The following ATP2B2 variants were observed in gnomAD, a reference collection of about 807,000 sequenced individuals.
ATP2B2 encodes plasma membrane calcium-transporting ATPase 2.
Under a neutral mutation model 120.0 loss-of-function variants are expected in ATP2B2, and 15 were observed. The observed-to-expected ratio is 0.12, with a 90% CI of 0.08 to 0.19. ATP2B2 has a LOEUF of 0.19. Ranked by LOEUF, ATP2B2 falls within the 10% of genes least tolerant of loss-of-function variation. The pLI is 1.00. For missense variants in ATP2B2, 1,045 were observed against 1,719.8 expected (o/e 0.61, Z 6.94); for synonymous variants, 694 against 700.3 (o/e 0.99, Z 0.14).
chr3:10,458,748 T>C (rs897316648), intron 1 of ATP2B2, among the ~76,000 whole-genome samples: 8 of 152,252 alleles, frequency 5.3e-5, no homozygotes, highest in Non-Finnish European at 8.8e-5. Context: ...GTGGTGTTGC[T>C]GTCCCCACTT....
chr3:10,695,350 T>A (rs1427729431), intron 1 of ATP2B2, among the ~76,000 whole-genome samples: 1 of 151,558 alleles, frequency 6.6e-6, no homozygotes, highest in Non-Finnish European at 1.5e-5. Context: ...TTCACTATCA[T>A]GAGAACAGCA....
intron 1 of ATP2B2, among the ~76,000 whole-genome samples, chr3:10,647,120 G>A (rs2070342384): frequency 6.6e-6 from 1 of 152,198 alleles, no homozygotes; most frequent in South Asian, 2.1e-4. Flanking sequence ...GCAGTACAAC[G>A]ATTTGGGAAA....
intron 2 of ATP2B2, among the ~76,000 whole-genome samples, chr3:10,559,009 T>C (rs1279920939): frequency 6.6e-6 from 1 of 152,204 alleles, no homozygotes; most frequent in Non-Finnish European, 1.5e-5. Flanking sequence ...ATCCCTGCCC[T>C]TCAAACACTA....
At position 10,402,124 on chromosome 3, in the gene ATP2B2, T is replaced by A. The variant is rs1460690008; in HGVS notation, c.622A>T (p.Ile208Phe). 1 of 1,614,098 alleles carries A rather than the reference T, an allele frequency of 6.2e-7. No homozygotes were observed. Among genetic ancestry groups the A allele is most frequent in the South Asian group, 1.1e-5 (1 of 91,080 alleles). Residue 208 changes from isoleucine to phenylalanine, a missense_variant, in exon 4 of 23, where the codon ATC becomes TTC. Transcript: ENST00000360273. The surrounding 1 kb of genome is among the most constrained non-coding windows in gnomAD (Gnocchi z 4.9). The stretch of plus-strand genomic sequence containing the variant: ...ACCTGGGCTATGTCCCCAACCACGA[T>A]CTCAGCCACAGGGATCTGGACCACC... ...GQVVQIPVAEIVVGDIAQVKY... is the reference protein window; with the variant it reads ...GQVVQIPVAEFVVGDIAQVKY...
chr3:10,526,682 G>A (rs2067101909), intron 3 of ATP2B2, among the ~76,000 whole-genome samples: 1 of 152,148 alleles, frequency 6.6e-6, no homozygotes, highest in South Asian at 2.1e-4. Flanking sequence ...GGCCAAGAAG[G>A]ACCCATTAGG....
At chr3:10,607,690 C>A (rs2069124087) in intron 2 of ATP2B2, among the ~76,000 whole-genome samples, 1 of 152,208 alleles carries the variant, frequency 6.6e-6, no homozygotes. Context: ...AAAGGGGGTG[C>A]AACCCCAAGC....
intron 2 of ATP2B2, among the ~76,000 whole-genome samples, chr3:10,446,246 T>G (rs1481134067): frequency 6.6e-6 from 1 of 152,214 alleles, no homozygotes; most frequent in African/African-American, 2.4e-5. Flanking sequence ...ACGTGCCCAC[T>G]TTTTCCCGAG....
At chr3:10,551,352 G>A (rs765447119) in intron 2 of ATP2B2, among the ~76,000 whole-genome samples, 30 of 152,212 alleles carry the variant, frequency 2.0e-4, no homozygotes, top group Non-Finnish European at 3.1e-4. Context: ...GTGAATGGAC[G>A]TGCCGATTAT....
rs77273825 is a variant in ATP2B2 at position 10,331,150 on chromosome 3, G to A, written c.3421-2025C>T. On this transcript the variant is annotated intron_variant, in intron 22 of 22. Transcript: ENST00000360273. ...TGCCAAATAAGAGCCAGCCAGACAC[G>A]GCCTTTATGCTGGTGCTCCATCATG... 9.5e-3 allele frequency among the ~76,000 whole-genome samples: 1,452 copies of A among 152,236 alleles called. 23 individuals are homozygous for A. The highest frequency in any genetic ancestry group is 0.034 in the African/African-American group (1,400 of 41,508).
At chr3:10,522,504 T>C (rs1317341261) in intron 3 of ATP2B2, among the ~76,000 whole-genome samples, 5 of 152,228 alleles carry the variant, frequency 3.3e-5, no homozygotes, top group Non-Finnish European at 7.3e-5. Flanking sequence ...TCTGTGTGCA[T>C]AGCTTCTGCT....
intron 1 of ATP2B2, among the ~76,000 whole-genome samples, chr3:10,501,860 A>T (rs11918553): frequency 0.05 from 7,567 of 152,190 alleles, 617 homozygotes; most frequent in African/African-American, 0.17. Context: ...GCCCACTCTT[A>T]AGCACCTCAG....
At chr3:10,550,470 GT>G (rs906338807) in intron 2 of ATP2B2, among the ~76,000 whole-genome samples, 5 of 151,650 alleles carry the variant, frequency 3.3e-5, no homozygotes, top group Admixed American at 2.0e-4. Context: ...TTATAGACCA[GT>G]TTTTTTTACA....
intron 22 of ATP2B2, chr3:10,336,402 A>G: frequency 3.5e-6 from 4 of 1,155,620 alleles, no homozygotes; most frequent in Non-Finnish European, 4.9e-6. Flanking sequence ...CCACGGCAAC[A>G]ACGACAATGT....
intron 1 of ATP2B2, among the ~76,000 whole-genome samples, chr3:10,493,599 T>C (rs1302816475): frequency 4.6e-5 from 7 of 152,142 alleles, no homozygotes; most frequent in Admixed American, 4.6e-4. Context: ...TTAAAAAAGA[T>C]TCCTCTGGCC....
rs550514092 is a variant in ATP2B2 at position 10,674,102 on chromosome 3, A to T, written c.-460+33813T>A. Among the ~76,000 whole-genome samples the T allele has an allele frequency of 4.6e-4, 70 of 152,218 alleles. 2 individuals carry two copies. The South Asian group carries it at 0.014, about 31-fold the overall frequency. ...TTGGAAGAATCACATAAGCTCTCTG[A>T]GTTCCTGAAATACACAAGGAGTACA... On this transcript the variant is annotated intron_variant, in intron 1 of 21. Transcript: ENST00000646379.
intron 2 of ATP2B2, among the ~76,000 whole-genome samples, chr3:10,444,756 G>A (rs562706222): frequency 7.2e-5 from 11 of 152,208 alleles, no homozygotes; most frequent in South Asian, 6.2e-4. Context: ...TCAGGGCAGC[G>A]CAACGCTGGG....
intron 2 of ATP2B2, among the ~76,000 whole-genome samples, chr3:10,577,485 G>C (rs991770987): frequency 1.3e-5 from 2 of 152,168 alleles, no homozygotes; most frequent in African/African-American, 4.8e-5. Context: ...GGCCATCAGG[G>C]GATCCCAGGG....
At position 10,497,321 on chromosome 3, in the gene ATP2B2, T is replaced by C. The variant is rs11916158; in HGVS notation, c.-320+8144A>G. On this transcript the variant is annotated intron_variant, in intron 1 of 22. Transcript: ENST00000360273. Reference sequence around the variant, plus strand: ...GCAGCATTGGGCTGGTGCCTGGACATTGGGCTGTGGTTCCAGTCTGCTGGG... The same window carrying C: ...GCAGCATTGGGCTGGTGCCTGGACACTGGGCTGTGGTTCCAGTCTGCTGGG... Among the ~76,000 whole-genome samples the C allele has an allele frequency of 7.7e-3, 1,175 of 152,328 alleles. 17 individuals carry two copies. Among genetic ancestry groups the C allele is most frequent in the African/African-American group, 0.027 (1,102 of 41,578 alleles).
chr3:10,394,804 T>C lies in ATP2B2; in HGVS notation c.781+6149A>G, dbSNP rs144289368. 1.6e-3 allele frequency among the ~76,000 whole-genome samples: 236 copies of C among 151,968 alleles called. 1 individual carries two copies. The highest frequency in any genetic ancestry group is 5.4e-3 in the African/African-American group (222 of 41,434). Reference sequence around the variant, plus strand: ...GGGTGTGTCGGGGTCTCGCGGGGGTTGAGCCATCGGGCCTGCTGGAGCCAG... The same window carrying C: ...GGGTGTGTCGGGGTCTCGCGGGGGTCGAGCCATCGGGCCTGCTGGAGCCAG... On this transcript the variant is annotated intron_variant, in intron 5 of 22. Transcript: ENST00000360273.
Sources: gnomAD v4.1 joint callset for allele counts (sites outside exome capture counted in the v4.1 genomes callset) on GRCh38, gnomAD v4.1.1 for gene constraint, Gnocchi (gnomAD v3.1) non-coding constraint, MANE v1.5 for transcripts, NCBI Gene and HGNC (gene_info 2026-07-23, HGNC 2026-07-21) for gene names.